The following EVI5 variants were observed in gnomAD, a reference collection of about 807,000 sequenced individuals.
EVI5 encodes the protein ecotropic viral integration site 5, also known as ecotropic viral integration site 5 protein homolog.
A neutral mutation model predicts 112.0 loss-of-function variants in EVI5; 73 were observed. The observed-to-expected ratio is 0.65, with a 90% CI of 0.54 to 0.79. The LOEUF is 0.79. EVI5 is among the 30% of genes least tolerant of loss of function. The probability of loss-of-function intolerance (pLI) is 0.00; values close to 1 mark genes in which losing one functional copy is unlikely to be tolerated. For synonymous variants in EVI5, 305 were observed against 319.9 expected (o/e 0.95, Z 0.50); for missense variants, 900 against 968.8 (o/e 0.93, Z 0.94).
intron 2 of EVI5, among the ~76,000 whole-genome samples, chr1:92,708,589 A>G (rs572659976): frequency 6.6e-6 from 1 of 152,294 alleles, no homozygotes; most frequent in South Asian, 2.1e-4. Flanking sequence ...CAAAATTACC[A>G]TGACTCAGCA....
chr1:92,600,473 G>A (rs865935048), intron 18 of EVI5, among the ~76,000 whole-genome samples: 3 of 152,092 alleles, frequency 2.0e-5, no homozygotes, highest in Non-Finnish European at 4.4e-5. Flanking sequence ...GAAAATTATT[G>A]GTAAGGGGAA....
intron 10 of EVI5, among the ~76,000 whole-genome samples, chr1:92,675,014 G>C (rs1666486397): frequency 6.6e-6 from 1 of 152,188 alleles, no homozygotes. Flanking sequence ...TCAGGCATAT[G>C]AACTATATAT....
chr1:92,714,775 T>C (rs540890556), intron 2 of EVI5, among the ~76,000 whole-genome samples: 1 of 152,264 alleles, frequency 6.6e-6, no homozygotes, highest in East Asian at 1.9e-4. Context: ...TTTTCTGTAC[T>C]GATGGGGTCT....
At chr1:92,641,467 A>G (rs954534631) in intron 13 of EVI5, among the ~76,000 whole-genome samples, 4 of 152,174 alleles carry the variant, frequency 2.6e-5, no homozygotes, top group Admixed American at 2.6e-4. Context: ...AAAATCTATA[A>G]AACTGATGGT....
chr1:92,578,454 G>A (rs570623227), intron 18 of EVI5, among the ~76,000 whole-genome samples: 8 of 152,242 alleles, frequency 5.3e-5, no homozygotes, highest in African/African-American at 9.6e-5. Context: ...ACGGCCGGGC[G>A]CCTGTAATCT....
At chr1:92,636,927 T>A (rs942088458) in intron 13 of EVI5, among the ~76,000 whole-genome samples, 2 of 152,166 alleles carry the variant, frequency 1.3e-5, no homozygotes, top group African/African-American at 4.8e-5. Flanking sequence ...AAATTGCATA[T>A]GTGACACATT....
chr1:92,603,934 A>G (rs1056328425), intron 18 of EVI5, among the ~76,000 whole-genome samples: 1 of 151,940 alleles, frequency 6.6e-6, no homozygotes, highest in East Asian at 1.9e-4. Context: ...AGGGAGTCTC[A>G]CTTTGTTTGT....
chr1:92,682,037 C>A (rs910662850), intron 9 of EVI5, among the ~76,000 whole-genome samples: 1 of 152,168 alleles, frequency 6.6e-6, no homozygotes, highest in African/African-American at 2.4e-5. Flanking sequence ...GTCTCAAACT[C>A]CTAGGCTCAA....
intron 2 of EVI5, among the ~76,000 whole-genome samples, chr1:92,710,761 G>C (rs779519425): frequency 9.3e-5 from 14 of 150,816 alleles, no homozygotes; most frequent in Non-Finnish European, 1.9e-4. Context: ...GTTGGGGGGG[G>C]GGTGCCAATA....
intron 19 of EVI5, among the ~76,000 whole-genome samples, chr1:92,530,077 A>G (rs1177918373): frequency 1.3e-5 from 2 of 152,166 alleles, no homozygotes; most frequent in East Asian, 3.8e-4. Context: ...CTTCTGTTAG[A>G]CCCTTGATGG....
intron 10 of EVI5, among the ~76,000 whole-genome samples, chr1:92,670,558 T>A (rs1665700980): frequency 6.6e-6 from 1 of 152,224 alleles, no homozygotes; most frequent in South Asian, 2.1e-4. Flanking sequence ...TCTGACAATT[T>A]TGAGTCTGTA....
rs993140764 is a variant in EVI5 at position 92,777,458 on chromosome 1, T to G, written c.-82+7378A>C. Reference sequence around the variant, plus strand: ...TATCAAATAGCTCGTTAAACCGGATTATCTTCAAAATCACTTCCAATCTTG... The same window carrying G: ...TATCAAATAGCTCGTTAAACCGGATGATCTTCAAAATCACTTCCAATCTTG... On this transcript the variant is annotated intron_variant, in intron 1 of 19. Coordinates refer to ENST00000684568, the MANE Select transcript of EVI5 (RefSeq NM_001350197.2). Among the ~76,000 whole-genome samples, 9 of 152,316 alleles carry G rather than the reference T, an allele frequency of 5.9e-5. No individual in the cohort carries two copies. The East Asian group carries it at 1.7e-3, about 29-fold the overall frequency.
chr1:92,648,974 T>C (rs893467798), intron 13 of EVI5, among the ~76,000 whole-genome samples: 2 of 152,222 alleles, frequency 1.3e-5, no homozygotes, highest in African/African-American at 2.4e-5. Context: ...CTTTATATTT[T>C]ATTTTATATT....
chr1:92,742,986 C>T (rs1400375771), intron 1 of EVI5, among the ~76,000 whole-genome samples: 1 of 152,152 alleles, frequency 6.6e-6, no homozygotes, highest in African/African-American at 2.4e-5. Context: ...GATAAACAAC[C>T]AAGTGTACAT....
chr1:92,556,458 T>A (rs748063400), intron 19 of EVI5, among the ~76,000 whole-genome samples: 9 of 152,214 alleles, frequency 5.9e-5, no homozygotes, highest in Admixed American at 1.3e-4. Context: ...TTGGAAACTG[T>A]CATTTTAAGT....
intron 13 of EVI5, among the ~76,000 whole-genome samples, 180 bp downstream of exon 13, chr1:92,662,539 A>G (rs1664201112): frequency 6.6e-6 from 1 of 152,244 alleles, no homozygotes; most frequent in Admixed American, 6.5e-5. Context: ...TTAGAACAGG[A>G]GTCCTTAGGC....
At chr1:92,745,708 G>A (rs774933636) in intron 1 of EVI5, among the ~76,000 whole-genome samples, 4 of 152,098 alleles carry the variant, frequency 2.6e-5, no homozygotes, top group African/African-American at 7.2e-5. Context: ...TTGTGAGGCC[G>A]AGGTGGAGGA....
At chr1:92,585,950 CTT>C (rs887261266) in intron 18 of EVI5, among the ~76,000 whole-genome samples, 1 of 151,468 alleles carries the variant, frequency 6.6e-6, no homozygotes, top group Non-Finnish European at 1.5e-5. Flanking sequence ...GCTTCTTAGA[CTT>C]TGCTTGTTTT....
intron 16 of EVI5, among the ~76,000 whole-genome samples, chr1:92,615,959 C>T (rs1288168467): frequency 6.6e-6 from 1 of 152,146 alleles, no homozygotes; most frequent in Non-Finnish European, 1.5e-5. Flanking sequence ...TTGGATCAGG[C>T]TGAATTTATT....
Sources: gnomAD v4.1 joint callset for allele counts (sites outside exome capture counted in the v4.1 genomes callset) on GRCh38, gnomAD v4.1.1 for gene constraint, MANE v1.5 for transcripts, NCBI Gene and HGNC (gene_info 2026-07-23, HGNC 2026-07-21) for gene names.